The following NMNAT3 variants were observed in gnomAD, a reference collection of about 807,000 sequenced individuals.
NMNAT3 encodes nicotinamide nucleotide adenylyltransferase 3.
Under a neutral mutation model 24.8 loss-of-function variants are expected in NMNAT3, and 21 were observed. The ratio of observed to expected loss-of-function variants is 0.85; its 90% CI spans 0.60 to 1.22. The LOEUF is 1.22. Ranked by LOEUF, NMNAT3 falls within the 50% of genes most tolerant of loss-of-function variation. The pLI, the probability that NMNAT3 is intolerant of heterozygous loss-of-function variation, is 0.00. For synonymous variants in NMNAT3, 136 were observed against 155.2 expected, an observed-to-expected ratio of 0.88 and a Z score of 0.92; for missense variants, 387 against 436.6, an observed-to-expected ratio of 0.89 and a Z score of 1.01.
intron 3 of NMNAT3, among the ~76,000 whole-genome samples, chr3:139,591,339 T>A (rs2054163400): frequency 6.6e-6 from 1 of 152,030 alleles, no homozygotes; most frequent in African/African-American, 2.4e-5. Context: ...ATCGCGCTGA[T>A]TGCTAGCACA....
intron 1 of NMNAT3, among the ~76,000 whole-genome samples, chr3:139,655,781 T>A (rs1175070427): frequency 2.0e-5 from 3 of 152,212 alleles, no homozygotes; most frequent in Non-Finnish European, 4.4e-5. Context: ...TCCTTCCAGA[T>A]GGGCACATTT....
rs200550856 is a variant in NMNAT3 at position 139,584,998 on chromosome 3, AAT to A, written c.110-1792_110-1791del. On this transcript the variant is annotated intron_variant, in intron 3 of 6. Transcript: ENST00000643695. ...TTTTCAGGATTGTTTTATAGCTCAG[AAT>A]ATGACCTATCTTAGTGAATATTCCA... Among the ~76,000 whole-genome samples, 1,173 of 152,332 alleles carry A rather than the reference AAT, an allele frequency of 7.7e-3. 21 individuals are homozygous for A. Among genetic ancestry groups the A allele is most frequent in the African/African-American group, 0.027 (1,105 of 41,564 alleles).
chr3:139,567,013 T>G (rs1374862213), intron 6 of NMNAT3: 1 of 151,532 alleles, frequency 6.6e-6, no homozygotes. Flanking sequence ...TGTTCTTCCA[T>G]TTGTTTGTAT....
chr3:139,604,412 A>G lies in NMNAT3; in HGVS notation c.110-21204T>C, dbSNP rs1358099912. Among the ~76,000 whole-genome samples the G allele has an allele frequency of 2.0e-5, 3 of 152,224 alleles. No individual in the cohort carries two copies. The South Asian group carries it at 6.2e-4, about 31-fold the overall frequency. On this transcript the variant is annotated intron_variant, in intron 3 of 6. Transcript: ENST00000643695. The stretch of plus-strand genomic sequence containing the variant: ...ATGCATTGCTGTATATATTGCACAT[A>G]TATAAATGTACAATAATAATAAAGA...
At chr3:139,670,831 T>C (rs1311177893) in intron 1 of NMNAT3, among the ~76,000 whole-genome samples, 2 of 152,180 alleles carry the variant, frequency 1.3e-5, no homozygotes, top group African/African-American at 4.8e-5. Context: ...AAATTCCTCC[T>C]TCCTCCCACA....
intron 4 of NMNAT3, among the ~76,000 whole-genome samples, chr3:139,582,216 A>AAAAAAAAAC (rs2053665173): frequency 6.7e-6 from 1 of 148,496 alleles, no homozygotes; most frequent in African/African-American, 2.5e-5. Flanking sequence ...AAAAAAAAAG[A>AAAAAAAAAC]AAAAAAAACC....
intron 1 of NMNAT3, among the ~76,000 whole-genome samples, chr3:139,653,871 A>G (rs2057143200): frequency 6.6e-6 from 1 of 152,222 alleles, no homozygotes. Flanking sequence ...GCAAGGTAGA[A>G]GGGACCAGAG....
chr3:139,606,246 C>T (rs1391076696), intron 3 of NMNAT3, among the ~76,000 whole-genome samples: 2 of 152,280 alleles, frequency 1.3e-5, no homozygotes, highest in Non-Finnish European at 2.9e-5. Flanking sequence ...CTCTGCTAAT[C>T]AAGGACAGCT....
intron 1 of NMNAT3, among the ~76,000 whole-genome samples, chr3:139,675,740 A>T (rs913003205): frequency 4.6e-5 from 7 of 152,234 alleles, no homozygotes; most frequent in African/African-American, 4.8e-5. Flanking sequence ...ATCAATAGTT[A>T]TAGTAGTAGT....
At chr3:139,663,417 G>C (rs796563907) in intron 1 of NMNAT3, among the ~76,000 whole-genome samples, 51 of 152,244 alleles carry the variant, frequency 3.3e-4, no homozygotes, top group African/African-American at 1.2e-3. Context: ...CACAGGTTCT[G>C]GGAATTAGGA....
Position 139,596,204 on chromosome 3 carries a change from G to A in NMNAT3, c.110-12996C>T, listed in dbSNP as rs548248967. Among the ~76,000 whole-genome samples the A allele has an allele frequency of 2.0e-5, 3 of 152,170 alleles. No individual in the cohort carries two copies. In the East Asian group the frequency reaches 5.8e-4, roughly 29 times the overall value. ...TGCTGGGTGGCCCTGTCAGAGCCTGGGGAGGTTCTGTTTAATTACTTTGCT... is the reference window on the plus strand; with the variant it reads ...TGCTGGGTGGCCCTGTCAGAGCCTGAGGAGGTTCTGTTTAATTACTTTGCT... On this transcript the variant is annotated intron_variant, in intron 3 of 6. Transcript: ENST00000643695.
At chr3:139,666,746 C>T (rs948395507) in intron 1 of NMNAT3, among the ~76,000 whole-genome samples, 2 of 152,154 alleles carry the variant, frequency 1.3e-5, no homozygotes, top group Non-Finnish European at 2.9e-5. Context: ...CTCACCCCTC[C>T]CCAACCCTTG....
chr3:139,643,522 C>T (rs2056775502), intron 1 of NMNAT3, among the ~76,000 whole-genome samples: 1 of 152,112 alleles, frequency 6.6e-6, no homozygotes, highest in South Asian at 2.1e-4. Flanking sequence ...ATATACGTTG[C>T]ATGTATATAA....
At chr3:139,675,022 T>C (rs1382258158) in intron 1 of NMNAT3, among the ~76,000 whole-genome samples, 1 of 152,146 alleles carries the variant, frequency 6.6e-6, no homozygotes, top group Non-Finnish European at 1.5e-5. Context: ...TTTATCTGAC[T>C]ACAAGACTAT....
At chr3:139,589,033 T>C (rs1303521595) in intron 3 of NMNAT3, among the ~76,000 whole-genome samples, 1 of 152,038 alleles carries the variant, frequency 6.6e-6, no homozygotes, top group Non-Finnish European at 1.5e-5. Context: ...GAGTGGACAG[T>C]CTAGGAAGAG....
At chr3:139,627,576 C>G (rs1250561851) in intron 3 of NMNAT3, 40 bp downstream of exon 4, 1 of 1,235,226 alleles carries the variant, frequency 8.1e-7, no homozygotes, top group Admixed American at 2.3e-5. Context: ...GAAGCCTAAC[C>G]CACCAGTTCT....
intron 3 of NMNAT3, among the ~76,000 whole-genome samples, chr3:139,612,308 G>T (rs928427865): frequency 1.3e-5 from 2 of 152,150 alleles, no homozygotes; most frequent in African/African-American, 4.8e-5. Context: ...ACTGCTCATG[G>T]CTAGCAAGAG....
At chr3:139,564,337 C>T (rs1936856964) in intron 6 of NMNAT3, among the ~76,000 whole-genome samples, 1 of 152,162 alleles carries the variant, frequency 6.6e-6, no homozygotes, top group Non-Finnish European at 1.5e-5. Flanking sequence ...AAGCATCTGA[C>T]AGGCAGCACC....
rs141706657 is a variant in NMNAT3, at chr3:139,673,792, T to TAG, written c.-141+3911_-141+3912dup. ...TAGAAGAAAGAAAGGGAGGAAGGAA[T>TAG]AGAGAGAGAGAGAGAGAAACAACGT... On this transcript the variant is annotated intron_variant, in intron 1 of 6. Transcript: ENST00000643695. Among the ~76,000 whole-genome samples the TAG allele has an allele frequency of 1.1e-3, 158 of 150,324 alleles. 1 individual carries two copies. The highest frequency in any genetic ancestry group is 3.4e-3 in the African/African-American group (141 of 40,946).
Sources: gnomAD v4.1 joint callset for allele counts (sites outside exome capture counted in the v4.1 genomes callset) on GRCh38, gnomAD v4.1.1 for gene constraint, MANE v1.5 for transcripts, NCBI Gene and HGNC (gene_info 2026-07-23, HGNC 2026-07-21) for gene names.